ERBIN: variants seen among roughly 807,000 people sequenced by gnomAD.
ERBIN encodes the protein densin-180-like protein.
In ERBIN, 60 loss-of-function variants were observed where a neutral mutation model predicts 158.4. The observed-to-expected ratio is 0.38, with a 90% CI of 0.31 to 0.47. The LOEUF is 0.47. ERBIN is among the 20% of genes least tolerant of loss of function. The pLI, the probability that ERBIN is intolerant of heterozygous loss-of-function variation, is 0.99. For missense variants in ERBIN, 1,610 were observed against 1,648.0 expected (o/e 0.98, Z 0.40); for synonymous variants, 594 against 557.2 (o/e 1.07, Z -0.93).
At chr5:66,023,433 C>A in intron 9 of ERBIN, 69 bp downstream of exon 9, 1 of 896,380 alleles carries the variant, frequency 1.1e-6, no homozygotes, top group Non-Finnish European at 1.7e-6. Flanking sequence ...TGAATTGTAC[C>A]TTTTATAATT....
chr5:65,961,500 C>G (rs536296628), intron 1 of ERBIN, among the ~76,000 whole-genome samples: 2 of 151,946 alleles, frequency 1.3e-5, no homozygotes, highest in African/African-American at 2.4e-5. Context: ...ATCTGTATTG[C>G]CAATGTATAT....
intron 2 of ERBIN, among the ~76,000 whole-genome samples, chr5:65,991,951 A>AT (rs1306626963): frequency 6.6e-5 from 10 of 152,188 alleles, no homozygotes; most frequent in Non-Finnish European, 1.5e-4. Flanking sequence ...TAGGAAGGTT[A>AT]TAGGGTGGTT....
chr5:65,992,625 T>C (rs1429295768), intron 2 of ERBIN, 85 bp from the exon 3 acceptor site: 1 of 1,008,858 alleles, frequency 9.9e-7, no homozygotes, highest in Non-Finnish European at 1.4e-6. Context: ...CTGTGACATA[T>C]GAATTGTGAT....
intron 1 of ERBIN, among the ~76,000 whole-genome samples, chr5:65,978,914 T>C (rs567079840): frequency 2.5e-4 from 38 of 152,270 alleles, no homozygotes; most frequent in African/African-American, 7.5e-4. Context: ...AAAAAGTATT[T>C]GGAACTGCAA....
intron 7 of ERBIN, among the ~76,000 whole-genome samples, chr5:66,020,521 T>C (rs1340317658): frequency 2.0e-5 from 3 of 152,032 alleles, no homozygotes; most frequent in Non-Finnish European, 4.4e-5. Context: ...GAATTTCTTA[T>C]CTGGGTAACT....
intron 21 of ERBIN, among the ~76,000 whole-genome samples, chr5:66,067,715 T>C (rs1218468986): frequency 1.3e-5 from 2 of 151,916 alleles, no homozygotes; most frequent in African/African-American, 4.9e-5. Context: ...TTGCCACACA[T>C]TTTCTCGTTT....
At chr5:65,970,606 A>T (rs1234678741) in intron 1 of ERBIN, among the ~76,000 whole-genome samples, 2 of 152,110 alleles carry the variant, frequency 1.3e-5, no homozygotes, top group African/African-American at 2.4e-5. Context: ...TATTCTTTTT[A>T]AGACGTGCTC....
intron 1 of ERBIN, among the ~76,000 whole-genome samples, chr5:65,984,235 A>G (rs927687387): frequency 2.0e-5 from 3 of 150,836 alleles, no homozygotes; most frequent in Admixed American, 6.5e-5. Context: ...GCCTCCTTGC[A>G]GGCAGGAGGC....
intron 1 of ERBIN, among the ~76,000 whole-genome samples, chr5:65,979,873 ATG>A (rs1377223708): frequency 2.6e-5 from 4 of 152,224 alleles, no homozygotes; most frequent in African/African-American, 2.4e-5. Flanking sequence ...AATTTATAGT[ATG>A]TATCAGTAAA....
rs1306047656 is a variant in ERBIN at position 66,068,802 on chromosome 5, T to C, written c.3634-3367T>C. The C allele has an allele frequency of 3.8e-6, 5 of 1,309,902 alleles. No homozygotes were observed. In the East Asian group the frequency reaches 1.3e-4, roughly 35 times the overall value. 81.1% of individuals were successfully genotyped at this position (1,309,902 alleles called of 1,614,324 possible). A position where few individuals can be genotyped will look rare whatever the true frequency, so the allele number is the denominator to read the frequency against. Reference sequence around the variant, plus strand: ...GGTTTTGGGGTTACTTGTAAATAAGTCTACGTATATAACATGTCTCGTGGA... The same window carrying C: ...GGTTTTGGGGTTACTTGTAAATAAGCCTACGTATATAACATGTCTCGTGGA... On this transcript the variant is annotated intron_variant, in intron 21 of 25. Transcript: ENST00000284037.
chr5:66,030,442 G>C (rs772220541), intron 14 of ERBIN, among the ~76,000 whole-genome samples: 1 of 151,902 alleles, frequency 6.6e-6, no homozygotes, highest in African/African-American at 2.4e-5. Flanking sequence ...GAAATTTTGC[G>C]ACTAGATTCA....
At chr5:66,068,084 T>G (rs1761184215) in intron 21 of ERBIN, among the ~76,000 whole-genome samples, 1 of 152,000 alleles carries the variant, frequency 6.6e-6, no homozygotes, top group Non-Finnish European at 1.5e-5. Context: ...TCCCAGCAGT[T>G]TAGGGGGCTG....
At chr5:65,948,532 C>T (rs1039593661) in intron 1 of ERBIN, among the ~76,000 whole-genome samples, 2 of 151,852 alleles carry the variant, frequency 1.3e-5, no homozygotes, top group African/African-American at 4.8e-5. Flanking sequence ...ACAAAACGCT[C>T]AGGGAAGATA....
chr5:66,068,577 A>G (rs1244014620), intron 21 of ERBIN, among the ~76,000 whole-genome samples: 4 of 152,206 alleles, frequency 2.6e-5, no homozygotes, highest in African/African-American at 9.6e-5. Flanking sequence ...TTTCTGACAT[A>G]TATATCTAAG....
At chr5:66,043,727 C>G (rs1758144422) in intron 16 of ERBIN, among the ~76,000 whole-genome samples, 3 of 152,070 alleles carry the variant, frequency 2.0e-5, no homozygotes, top group African/African-American at 2.4e-5. Flanking sequence ...TTAGCTGAAT[C>G]TCAGAAAATG....
At chr5:65,932,403 A>G (rs1374899006) in intron 1 of ERBIN, among the ~76,000 whole-genome samples, 1 of 151,996 alleles carries the variant, frequency 6.6e-6, no homozygotes, top group Non-Finnish European at 1.5e-5. Context: ...GCTTGAAGGC[A>G]TTGCCTTTGT....
At chr5:65,958,421 CCAGCCCGGCCAACA>C (rs1331283633) in intron 1 of ERBIN, among the ~76,000 whole-genome samples, 1 of 152,216 alleles carries the variant, frequency 6.6e-6, no homozygotes, top group Non-Finnish European at 1.5e-5. Flanking sequence ...GAGCTGGAGA[CCAGCCCGGCCAACA>C]CAGCGAAACC....
intron 1 of ERBIN, among the ~76,000 whole-genome samples, chr5:65,950,113 C>T (rs1260394611): frequency 6.6e-6 from 1 of 152,222 alleles, no homozygotes; most frequent in Non-Finnish European, 1.5e-5. Context: ...TCAAGGGATT[C>T]TCCTGCCTCG....
At chr5:66,049,518 A>C (rs1011178576) in intron 19 of ERBIN, among the ~76,000 whole-genome samples, 3 of 152,132 alleles carry the variant, frequency 2.0e-5, no homozygotes, top group Non-Finnish European at 4.4e-5. Context: ...TAATTGTCAC[A>C]ATAACCCCCA....
Sources: gnomAD v4.1 joint callset for allele counts (sites outside exome capture counted in the v4.1 genomes callset) on GRCh38, gnomAD v4.1.1 for gene constraint, MANE v1.5 for transcripts, NCBI Gene and HGNC (gene_info 2026-07-23, HGNC 2026-07-21) for gene names.